Variants in KHDRBS2 observed in about 807,000 individuals in gnomAD.
The protein encoded by KHDRBS2 is KH RNA binding domain containing, signal transduction associated 2.
A neutral mutation model predicts 44.3 loss-of-function variants in KHDRBS2; 26 were observed. The observed-to-expected ratio is 0.59, with a 90% CI of 0.43 to 0.81. The LOEUF (loss-of-function observed/expected upper bound fraction) is 0.81. Ranked by LOEUF, KHDRBS2 falls within the 40% of genes least tolerant of loss-of-function variation. KHDRBS2 has a pLI of 0.00. For synonymous variants in KHDRBS2, 194 were observed against 151.1 expected (o/e 1.28, Z -2.08); for missense variants, 476 against 433.1 (o/e 1.10, Z -0.88).
At chr6:61,655,602 GA>G in the KHDRBS2 span, among the ~76,000 whole-genome samples, 1 of 151,970 alleles carries the variant, frequency 6.6e-6, no homozygotes, top group Non-Finnish European at 1.5e-5. Flanking sequence ...TATGTGACCA[GA>G]AGGGCAATGG....
chr6:61,573,547 T>C, the KHDRBS2 span, among the ~76,000 whole-genome samples: 1 of 152,160 alleles, frequency 6.6e-6, no homozygotes, highest in African/African-American at 2.4e-5. Context: ...CCCAACACTT[T>C]TGGAGGCCAA....
chr6:62,000,190 C>T (rs1777987297), intron 3 of KHDRBS2, among the ~76,000 whole-genome samples: 1 of 151,950 alleles, frequency 6.6e-6, no homozygotes. Flanking sequence ...AACATGCTTC[C>T]TATAGTGAGT....
chr6:62,101,441 T>A (rs1487558166), intron 2 of KHDRBS2, among the ~76,000 whole-genome samples: 1 of 152,164 alleles, frequency 6.6e-6, no homozygotes, highest in Non-Finnish European at 1.5e-5. Context: ...AAAACTCCAG[T>A]TTAACAGATC....
intron 2 of KHDRBS2, among the ~76,000 whole-genome samples, chr6:62,085,802 A>G (rs919891371): frequency 2.0e-5 from 3 of 152,176 alleles, no homozygotes; most frequent in African/African-American, 4.8e-5. Context: ...ATGTTGTTAC[A>G]TGTTGAAAAT....
chr6:61,792,990 G>C (rs189191572), intron 6 of KHDRBS2, among the ~76,000 whole-genome samples: 1 of 151,696 alleles, frequency 6.6e-6, no homozygotes, highest in Non-Finnish European at 1.5e-5. Flanking sequence ...AGTAATGCAG[G>C]GTTTCCTCCA....
the KHDRBS2 span, among the ~76,000 whole-genome samples, chr6:61,672,307 C>A: frequency 6.6e-6 from 1 of 151,900 alleles, no homozygotes; most frequent in Admixed American, 6.6e-5. Flanking sequence ...AATAAACATA[C>A]GTGTGCATGT....
chr6:61,971,284 G>A (rs939308300), intron 4 of KHDRBS2, among the ~76,000 whole-genome samples: 1 of 152,026 alleles, frequency 6.6e-6, no homozygotes, highest in African/African-American at 2.4e-5. Context: ...TGGTACAATA[G>A]GGATTCTCTG....
intron 1 of KHDRBS2, among the ~76,000 whole-genome samples, chr6:62,200,295 G>A (rs1365523942): frequency 6.6e-6 from 1 of 152,114 alleles, no homozygotes; most frequent in Non-Finnish European, 1.5e-5. Flanking sequence ...AGAGTGAACA[G>A]GCAACTGACA....
At chr6:61,941,565 A>C (rs1812134966) in intron 4 of KHDRBS2, among the ~76,000 whole-genome samples, 1 of 152,088 alleles carries the variant, frequency 6.6e-6, no homozygotes, top group African/African-American at 2.4e-5. Context: ...GACTGATCTA[A>C]CCTGGTGCTG....
intron 1 of KHDRBS2, among the ~76,000 whole-genome samples, chr6:62,198,975 A>G (rs1826301795): frequency 6.6e-6 from 1 of 152,192 alleles, no homozygotes; most frequent in Admixed American, 6.5e-5. Flanking sequence ...AAACAGAACC[A>G]AAGACAAAAA....
intron 6 of KHDRBS2, among the ~76,000 whole-genome samples, chr6:61,834,201 CAGGGTAGAATTAATCAA>C (rs1437251911): frequency 1.3e-5 from 2 of 151,966 alleles, no homozygotes; most frequent in Non-Finnish European, 2.9e-5. Flanking sequence ...AAAATTCTCT[CAGGGTAGAATTAATCAA>C]ATAAAGAGAG....
At chr6:61,714,303 C>A (rs1282658425) in intron 7 of KHDRBS2, among the ~76,000 whole-genome samples, 1 of 151,504 alleles carries the variant, frequency 6.6e-6, no homozygotes, top group Admixed American at 6.6e-5. Flanking sequence ...TCAACATTAC[C>A]AATCATTAGA....
intron 7 of KHDRBS2, among the ~76,000 whole-genome samples, chr6:61,710,065 T>C (rs1230179466): frequency 2.0e-5 from 3 of 151,704 alleles, no homozygotes; most frequent in Non-Finnish European, 4.4e-5. Flanking sequence ...CCAAAATCAC[T>C]TGTTACTTAT....
At chr6:61,824,991 G>A (rs1197017595) in intron 6 of KHDRBS2, among the ~76,000 whole-genome samples, 2 of 152,004 alleles carry the variant, frequency 1.3e-5, no homozygotes, top group African/African-American at 4.8e-5. Context: ...TATGCTATAG[G>A]TTATTAAAAT....
the KHDRBS2 span, among the ~76,000 whole-genome samples, chr6:61,598,345 A>AATGCCTTTCCCAAGATTC: frequency 3.4e-5 from 5 of 144,962 alleles, no homozygotes; most frequent in Admixed American, 2.0e-4. Context: ...GGCTTTAACC[A>AATGCCTTTCCCAAGATTC]ATGCCTTTCC....
chr6:62,222,399 A>C (rs993159267), intron 1 of KHDRBS2, among the ~76,000 whole-genome samples: 18 of 152,230 alleles, frequency 1.2e-4, no homozygotes, highest in Admixed American at 9.8e-4. Context: ...GCGGGAGGTG[A>C]AAAGCACTTC....
intron 1 of KHDRBS2, among the ~76,000 whole-genome samples, chr6:62,234,317 G>C (rs1459744699): frequency 6.6e-6 from 1 of 152,040 alleles, no homozygotes; most frequent in Non-Finnish European, 1.5e-5. Context: ...GTGCAATATA[G>C]GTTTATTACT....
the KHDRBS2 span, among the ~76,000 whole-genome samples, chr6:61,554,256 C>T: frequency 6.6e-6 from 1 of 151,954 alleles, no homozygotes; most frequent in Non-Finnish European, 1.5e-5. Flanking sequence ...AAGTAATGCA[C>T]TTCCTTGTTT....
intron 4 of KHDRBS2, among the ~76,000 whole-genome samples, chr6:61,955,799 T>G (rs1018363031): frequency 1.3e-5 from 2 of 151,952 alleles, no homozygotes; most frequent in Non-Finnish European, 2.9e-5. Flanking sequence ...TATTTTTAAG[T>G]GCCAATCATG....
Sources: allele counts gnomAD v4.1 joint callset (sites outside exome capture counted in the v4.1 genomes callset), GRCh38; gene constraint gnomAD v4.1.1; transcripts MANE v1.5; gene names NCBI Gene and HGNC (gene_info 2026-07-23, HGNC 2026-07-21).